The following ZNF236 variants were observed in gnomAD, a reference collection of about 807,000 sequenced individuals.
ZNF236 encodes the protein zinc finger protein 236.
A neutral mutation model predicts 191.2 loss-of-function variants in ZNF236; 50 were observed. The ratio of observed to expected loss-of-function variants is 0.26; its 90% confidence interval spans 0.21 to 0.33. The LOEUF is 0.33. ZNF236 is among the 10% of genes least tolerant of loss of function. ZNF236 has a pLI of 1.00. For missense variants in ZNF236, 1,754 were observed against 2,374.5 expected (o/e 0.74, Z 5.43); for synonymous variants, 907 against 928.8 (o/e 0.98, Z 0.43).
intron 1 of ZNF236, among the ~76,000 whole-genome samples, chr18:76,832,738 G>C (rs946792450): frequency 4.0e-5 from 6 of 151,812 alleles, no homozygotes; most frequent in Non-Finnish European, 7.4e-5. Context: ...GTAGATTTTT[G>C]AATCAGCATA....
chr18:76,882,900 A>G (rs907952946), intron 9 of ZNF236, among the ~76,000 whole-genome samples: 1 of 152,314 alleles, frequency 6.6e-6, no homozygotes, highest in African/African-American at 2.4e-5. Context: ...TGAGAATCTG[A>G]TGCAGATTTA....
rs950926208 is a variant in ZNF236 at position 76,956,291 on chromosome 18, G to T, written c.5112+109G>T. On this transcript the variant is annotated intron_variant, in intron 28 of 30. Transcript: ENST00000320610. ...TCTGGCATGTGTTTTTGAGGAAAAG[G>T]CCGGTTTTTGAGGAAAAGGTCACTA... The T allele has an allele frequency of 3.7e-6, 5 of 1,358,450 alleles. No individual in the cohort carries two copies. In the Admixed American group the frequency reaches 6.3e-5, roughly 17 times the overall value. The allele number at this position is 1,358,450 out of a possible 1,614,324, so 84.1% of individuals were successfully genotyped here.
chr18:76,921,737 C>CTA (rs1216328074), intron 20 of ZNF236, among the ~76,000 whole-genome samples: 2 of 98,050 alleles, frequency 2.0e-5, no homozygotes, highest in South Asian at 3.9e-4. Context: ...GTGGGATGTT[C>CTA]TTTTTTTTTT....
At position 76,947,583 on chromosome 18, in the gene ZNF236, G is replaced by A. The variant is rs1275484289; in HGVS notation, c.4845G>A (p.Ser1615=). ...PSLSGQGGAG[S]PQVILVSHTP... is the part of the protein sequence containing the mutation. Reference sequence around the variant, plus strand: ...TCTCGGGCCAGGGTGGAGCAGGCTCGCCGCAAGTCATACTAGTGAGCCACA... The same window carrying A: ...TCTCGGGCCAGGGTGGAGCAGGCTCACCGCAAGTCATACTAGTGAGCCACA... Residue 1615 remains serine, a synonymous_variant, in exon 27 of 31, where the codon TCG becomes TCA. Coordinates refer to ENST00000320610, the MANE Select transcript of ZNF236 (RefSeq NM_001306089.2). 1.9e-6 allele frequency: 3 copies of A among 1,613,884 alleles called. No homozygotes were observed. The highest frequency in any genetic ancestry group is 2.5e-6 in the Non-Finnish European group (3 of 1,180,004).
rs376288036 is a variant in ZNF236, at chr18:76,925,146, G to A, written c.3662-43G>A. 2.3e-4 allele frequency: 372 copies of A among 1,587,842 alleles called. No homozygotes were observed. Among genetic ancestry groups the A allele is most frequent in the Non-Finnish European group, 3.0e-4 (353 of 1,165,542 alleles). On this transcript the variant is annotated intron_variant, in intron 21 of 30. Transcript: ENST00000320610. The surrounding 1 kb of genome is among the most constrained non-coding windows in gnomAD (Gnocchi z 5.7). Reference sequence around the variant, plus strand: ...TGAGTGGGGTGGGGGTGAGTGTCGCGACTGCCATCGCCTCTGTTGATTCTT... The same window carrying A: ...TGAGTGGGGTGGGGGTGAGTGTCGCAACTGCCATCGCCTCTGTTGATTCTT...
Position 76,880,013 on chromosome 18 carries a change from C to A in ZNF236, c.985-100C>A. On this transcript the variant is annotated intron_variant, in intron 7 of 30. Coordinates refer to ENST00000320610, the MANE Select transcript of ZNF236 (RefSeq NM_001306089.2). The surrounding 1 kb of genome is among the most constrained non-coding windows in gnomAD (Gnocchi z 5.0). ...TGTTTAGGATACTCTTAGATTTTAA[C>A]ACCCTTAAGGAGGGTATTGCCTGTT... 1 of 1,052,106 alleles carries A rather than the reference C, an allele frequency of 9.5e-7. No individual in the cohort carries two copies. The highest frequency in any genetic ancestry group is 1.4e-6 in the Non-Finnish European group (1 of 732,118). 65.2% of individuals were successfully genotyped at this position (1,052,106 alleles called of 1,614,324 possible).
intron 3 of ZNF236, among the ~76,000 whole-genome samples, chr18:76,857,025 C>A (rs762657887): frequency 6.1e-4 from 93 of 152,278 alleles, no homozygotes; most frequent in Non-Finnish European, 5.7e-4. Flanking sequence ...GTAGCCCATC[C>A]CCGCAGGGCC....
intron 1 of ZNF236, among the ~76,000 whole-genome samples, chr18:76,841,780 A>G (rs534840887): frequency 2.1e-5 from 3 of 145,190 alleles, no homozygotes; most frequent in South Asian, 2.2e-4. Context: ...TGCAACCTCT[A>G]CCTCCCAGGT....
chr18:76,834,830 T>C (rs1733969394), intron 1 of ZNF236: 3 of 465,734 alleles, frequency 6.4e-6, no homozygotes, highest in African/African-American at 6.0e-5. Flanking sequence ...GGAAGGTGCA[T>C]TGAAATGCCT....
At chr18:76,917,002 C>A (rs1009895759) in intron 19 of ZNF236, among the ~76,000 whole-genome samples, 3 of 152,222 alleles carry the variant, frequency 2.0e-5, no homozygotes, top group Non-Finnish European at 4.4e-5. Context: ...CTACCTTTCT[C>A]TGCTGTTTTG....
rs960573599 is a variant in ZNF236 at position 76,905,296 on chromosome 18, T to C, written c.2178T>C (p.Thr726=). Residue 726 remains threonine, a synonymous_variant, in exon 13 of 31, where the codon ACT becomes ACC. Coordinates refer to ENST00000320610, the MANE Select transcript of ZNF236 (RefSeq NM_001306089.2). ...KCLICNGAFT[T]GGSLRRHMGI... is the part of the protein sequence containing the mutation. Reference sequence around the variant, plus strand: ...TGATATGTAATGGGGCTTTCACTACTGGTGGCAGCTTACGGCGACACATGG... The same window carrying C: ...TGATATGTAATGGGGCTTTCACTACCGGTGGCAGCTTACGGCGACACATGG... 6.2e-7 allele frequency: 1 copy of C among 1,614,104 alleles called. No homozygotes were observed. The highest frequency in any genetic ancestry group is 1.3e-5 in the African/African-American group (1 of 74,936).
intron 3 of ZNF236, among the ~76,000 whole-genome samples, chr18:76,862,756 G>C (rs1976281205): frequency 6.6e-6 from 1 of 152,188 alleles, no homozygotes; most frequent in Non-Finnish European, 1.5e-5. Flanking sequence ...CTCTGCTGCT[G>C]CTGGTCCTTA....
intron 1 of ZNF236, among the ~76,000 whole-genome samples, chr18:76,848,791 G>A (rs988025410): frequency 2.0e-5 from 3 of 152,188 alleles, no homozygotes; most frequent in Admixed American, 2.0e-4. Flanking sequence ...TCAGCCTCCC[G>A]AATAGGTAGG....
chr18:76,879,481 T>C (rs939829677), intron 7 of ZNF236, among the ~76,000 whole-genome samples: 1 of 152,194 alleles, frequency 6.6e-6, no homozygotes, highest in Non-Finnish European at 1.5e-5. Context: ...GGGTTTACTC[T>C]CAGAGTTGTC....
At chr18:76,952,621 A>G (rs1235481116) in intron 27 of ZNF236, among the ~76,000 whole-genome samples, 1 of 152,138 alleles carries the variant, frequency 6.6e-6, no homozygotes, top group African/African-American at 2.4e-5. Flanking sequence ...CCCTCAGGCA[A>G]TCCTACATCT....
intron 25 of ZNF236, 73 bp from the exon 26 acceptor site, chr18:76,937,083 C>T (rs890575339): frequency 2.6e-5 from 36 of 1,399,968 alleles, no homozygotes; most frequent in Middle Eastern, 2.5e-4. Context: ...GTGGGAGCAT[C>T]GCTCTCCCTA....
intron 9 of ZNF236, among the ~76,000 whole-genome samples, chr18:76,890,632 T>C (rs1273812882): frequency 6.6e-6 from 1 of 152,162 alleles, no homozygotes; most frequent in Non-Finnish European, 1.5e-5. Flanking sequence ...ATCCAATGGG[T>C]TAGAAAATGG....
intron 1 of ZNF236, among the ~76,000 whole-genome samples, chr18:76,823,978 AG>A (rs1011141490): frequency 4.6e-5 from 7 of 152,080 alleles, no homozygotes; most frequent in Admixed American, 4.6e-4. Context: ...GGGGGTTCTA[AG>A]GGGGAGTGGG....
rs115421890 is a variant in ZNF236 at position 76,912,810 on chromosome 18, G to A, written c.2909+463G>A. Among the ~76,000 whole-genome samples, 578 of 152,306 alleles carry A rather than the reference G, an allele frequency of 3.8e-3. 2 individuals carry two copies. The highest frequency in any genetic ancestry group is 0.013 in the African/African-American group (542 of 41,554). ...ATACTGAGCACCCTCTGTGCACAAT[G>A]TACAAGTAATTTTTGTATTTTTAGT... On this transcript the variant is annotated intron_variant, in intron 17 of 30. Coordinates refer to ENST00000320610, the MANE Select transcript of ZNF236 (RefSeq NM_001306089.2).
Sources: allele counts gnomAD v4.1 joint callset (sites outside exome capture counted in the v4.1 genomes callset), GRCh38; gene constraint gnomAD v4.1.1; non-coding constraint Gnocchi (gnomAD v3.1); transcripts MANE v1.5; gene names NCBI Gene and HGNC (gene_info 2026-07-23, HGNC 2026-07-21).